PRIMA1: variants seen among roughly 807,000 people sequenced by gnomAD.
The protein encoded by PRIMA1 is proline rich membrane anchor 1.
A neutral mutation model predicts 17.5 loss-of-function variants in PRIMA1; 7 were observed. The ratio of observed to expected loss-of-function variants is 0.40; its 90% CI spans 0.23 to 0.75. PRIMA1 has a LOEUF of 0.75. Ranked by LOEUF, PRIMA1 falls within the 30% of genes least tolerant of loss-of-function variation. The pLI is 0.37. For synonymous variants in PRIMA1, 97 were observed against 77.9 expected, an observed-to-expected ratio of 1.25 and a Z score of -1.29; for missense variants, 200 against 201.8, an observed-to-expected ratio of 0.99 and a Z score of 0.05.
At chr14:93,747,246 C>A (rs1272092003) in intron 3 of PRIMA1, among the ~76,000 whole-genome samples, 1 of 152,092 alleles carries the variant, frequency 6.6e-6, no homozygotes, top group Non-Finnish European at 1.5e-5. Context: ...GAAGGGACGT[C>A]CAGGAGGAGG....
intron 3 of PRIMA1, among the ~76,000 whole-genome samples, chr14:93,740,500 T>C (rs2076178260): frequency 6.6e-6 from 1 of 152,208 alleles, no homozygotes; most frequent in Admixed American, 6.5e-5. Context: ...AAGGTCTACC[T>C]CCTCATTTTC....
chr14:93,759,730 G>T (rs1485285162), intron 3 of PRIMA1, among the ~76,000 whole-genome samples: 1 of 152,214 alleles, frequency 6.6e-6, no homozygotes, highest in African/African-American at 2.4e-5. Flanking sequence ...CATTCTCCTG[G>T]TGGAGTGAGA....
intron 2 of PRIMA1, among the ~76,000 whole-genome samples, chr14:93,781,009 G>A (rs570715967): frequency 2.6e-5 from 4 of 151,764 alleles, no homozygotes; most frequent in African/African-American, 9.7e-5. Flanking sequence ...AGAGCCCCCC[G>A]GGGCTGGGAG....
intron 4 of PRIMA1, among the ~76,000 whole-genome samples, chr14:93,723,502 A>G (rs2141149241): frequency 6.6e-6 from 1 of 152,264 alleles, no homozygotes; most frequent in South Asian, 2.1e-4. Flanking sequence ...GAGACTACAC[A>G]CTGAGCTCAG....
At chr14:93,762,592 C>G (rs1399978322) in intron 3 of PRIMA1, among the ~76,000 whole-genome samples, 2 of 152,076 alleles carry the variant, frequency 1.3e-5, no homozygotes, top group Admixed American at 1.3e-4. Flanking sequence ...GTCCCGGTGG[C>G]TGTCACCTGT....
intron 4 of PRIMA1, among the ~76,000 whole-genome samples, chr14:93,735,208 G>A: frequency 6.6e-6 from 1 of 152,038 alleles, no homozygotes; most frequent in Admixed American, 6.5e-5. Flanking sequence ...GCCTGGTGGC[G>A]CACACTCTTC....
At chr14:93,722,931 C>T (rs1301371539) in intron 4 of PRIMA1, among the ~76,000 whole-genome samples, 1 of 152,000 alleles carries the variant, frequency 6.6e-6, no homozygotes, top group Non-Finnish European at 1.5e-5. Context: ...TTCCAGAGGG[C>T]CCCTAACCCC....
intron 3 of PRIMA1, among the ~76,000 whole-genome samples, chr14:93,750,203 T>C (rs1337996467): frequency 6.6e-6 from 1 of 151,848 alleles, no homozygotes; most frequent in African/African-American, 2.4e-5. Context: ...AAAAATTTGC[T>C]GGGATAGTGA....
rs369532019 is a variant in PRIMA1 at position 93,787,740 on chromosome 14, C to G, written c.-22G>C. 2 of 1,540,566 alleles carry G rather than the reference C, an allele frequency of 1.3e-6. No individual in the cohort carries two copies. The highest frequency in any genetic ancestry group is 2.4e-5 in the East Asian group (1 of 40,900). ...GCATCTCGGCCAGCGGCGCCCGCTCCTGGGGCGAACTGTCAGGAGAGCAAG... is the reference window on the plus strand; with the variant it reads ...GCATCTCGGCCAGCGGCGCCCGCTCGTGGGGCGAACTGTCAGGAGAGCAAG... On this transcript the variant is annotated 5_prime_UTR_variant, in exon 2 of 5. Coordinates refer to ENST00000393140, the MANE Select transcript of PRIMA1 (RefSeq NM_178013.4).
intron 3 of PRIMA1, among the ~76,000 whole-genome samples, chr14:93,750,308 G>C (rs1344487109): frequency 6.6e-6 from 1 of 152,068 alleles, no homozygotes; most frequent in Non-Finnish European, 1.5e-5. Context: ...CTGGGAGGCT[G>C]AGGCAAGAGG....
intron 2 of PRIMA1, among the ~76,000 whole-genome samples, chr14:93,779,869 G>A (rs994124366): frequency 3.3e-5 from 5 of 152,304 alleles, no homozygotes; most frequent in African/African-American, 1.2e-4. Context: ...TGTGTCCCAC[G>A]TGACCAAAGG....
At chr14:93,739,927 A>G (rs4905084) in intron 3 of PRIMA1, among the ~76,000 whole-genome samples, 122,757 of 151,882 alleles carry the variant, frequency 0.81, 50,867 homozygotes, top group Middle Eastern at 0.9. Flanking sequence ...TTATCTGGGC[A>G]TGGTGGCAGG....
At chr14:93,737,427 A>C (rs2076156962) in intron 3 of PRIMA1, 57 bp from the exon 4 acceptor site, 1 of 1,588,368 alleles carries the variant, frequency 6.3e-7, no homozygotes. Context: ...ATGGCCAGTG[A>C]CAGAGGTGGG....
At chr14:93,730,267 A>G (rs1046844635) in intron 4 of PRIMA1, among the ~76,000 whole-genome samples, 1 of 152,238 alleles carries the variant, frequency 6.6e-6, no homozygotes, top group African/African-American at 2.4e-5. Flanking sequence ...TGGGCACACG[A>G]ACACCGACAT....
At position 93,786,173 on chromosome 14, in the gene PRIMA1, G is replaced by C. The variant is rs183726580; in HGVS notation, c.93+1453C>G. Among the ~76,000 whole-genome samples the C allele has an allele frequency of 2.0e-5, 3 of 152,252 alleles. No homozygotes were observed. The East Asian group carries it at 5.8e-4, about 29-fold the overall frequency. The stretch of plus-strand genomic sequence containing the variant: ...TAAAAACGAAGTGAACTCAATATCT[G>C]AGGTTCAGCTAAAAGTTGAACAAGC... On this transcript the variant is annotated intron_variant, in intron 2 of 4. Transcript: ENST00000393140.
At chr14:93,768,297 G>A (rs528384375) in intron 3 of PRIMA1, among the ~76,000 whole-genome samples, 296 of 152,226 alleles carry the variant, frequency 1.9e-3, no homozygotes, top group African/African-American at 6.1e-3. Flanking sequence ...AGGGGGCCAC[G>A]GAGAAGGTGC....
At chr14:93,779,025 T>C (rs1158361495) in intron 3 of PRIMA1, 151 bp downstream of exon 3, 2 of 589,654 alleles carry the variant, frequency 3.4e-6, no homozygotes, top group Non-Finnish European at 5.9e-6. Flanking sequence ...TTTTGCAGAC[T>C]GCAGGGGAAA....
intron 3 of PRIMA1, among the ~76,000 whole-genome samples, chr14:93,771,092 G>A (rs1174357814): frequency 1.2e-4 from 18 of 152,004 alleles, no homozygotes; most frequent in Middle Eastern, 3.4e-3. Flanking sequence ...GTACATGTGC[G>A]TGCGTGTGCA....
chr14:93,737,373 G>A lies in PRIMA1; in HGVS notation c.230-3C>T, dbSNP rs778832484. 4 of 1,613,538 alleles carry A rather than the reference G, an allele frequency of 2.5e-6. No individual in the cohort carries two copies. In the South Asian group the frequency reaches 3.3e-5, roughly 13 times the overall value. On this transcript the variant is annotated splice_region_variant and splice_polypyrimidine_tract_variant and intron_variant, in intron 3 of 4. Transcript: ENST00000393140. ...GGGGCAAGAGGTAGAGTTGGGAGCT[G>A]AAAAAGACAGGAGCAGCCTGAGTGT...
Sources: allele counts gnomAD v4.1 joint callset (sites outside exome capture counted in the v4.1 genomes callset), GRCh38; gene constraint gnomAD v4.1.1; transcripts MANE v1.5; gene names NCBI Gene and HGNC (gene_info 2026-07-23, HGNC 2026-07-21).